Variants in MAST2 observed in about 807,000 individuals in gnomAD.
MAST2 encodes microtubule-associated serine/threonine-protein kinase 2.
MAST2 carries 70 observed loss-of-function variants against 147.4 expected under a neutral mutation model. The ratio of observed to expected loss-of-function variants is 0.47; its 90% CI spans 0.39 to 0.58. MAST2 has a LOEUF of 0.58. Among genes scored for constraint, MAST2 ranks in the 20% least tolerant of loss-of-function variants. The pLI, the probability that MAST2 is intolerant of heterozygous loss-of-function variation, is 0.00. For missense variants in MAST2, 2,080 were observed against 2,302.3 expected (o/e 0.90, Z 1.98); for synonymous variants, 869 against 896.8 (o/e 0.97, Z 0.55).
intron 4 of MAST2, among the ~76,000 whole-genome samples, chr1:45,931,377 GTTTT>G (rs71587091): frequency 2.0e-5 from 2 of 101,224 alleles, no homozygotes; most frequent in Non-Finnish European, 3.7e-5. Context: ...ATTGTGTTCT[GTTTT>G]TTTTTTTTTT....
At chr1:45,921,020 G>T (rs1339819711) in intron 4 of MAST2, among the ~76,000 whole-genome samples, 6 of 152,136 alleles carry the variant, frequency 3.9e-5, no homozygotes, top group Admixed American at 3.9e-4. Flanking sequence ...GTTTGAGACG[G>T]AGTCTCACTC....
chr1:45,945,218 T>G (rs1657855928), intron 4 of MAST2, among the ~76,000 whole-genome samples: 1 of 152,208 alleles, frequency 6.6e-6, no homozygotes, highest in Non-Finnish European at 1.5e-5. Context: ...GGAGGATCAC[T>G]TAATCCTGGG....
intron 4 of MAST2, among the ~76,000 whole-genome samples, chr1:45,938,618 C>T (rs965036713): frequency 1.1e-4 from 16 of 152,184 alleles, no homozygotes; most frequent in African/African-American, 3.4e-4. Context: ...TCAGCCACTG[C>T]GCCCAAACTA....
intron 11 of MAST2, among the ~76,000 whole-genome samples, chr1:46,020,989 G>A (rs541320953): frequency 6.6e-6 from 1 of 152,280 alleles, no homozygotes; most frequent in African/African-American, 2.4e-5. Flanking sequence ...GGACATCAGG[G>A]GAGAGGTACT....
chr1:45,854,228 T>G (rs1645716306), intron 3 of MAST2, among the ~76,000 whole-genome samples: 1 of 151,740 alleles, frequency 6.6e-6, no homozygotes. Context: ...TCTCATCTAC[T>G]CGGGAGGCTG....
intron 4 of MAST2, among the ~76,000 whole-genome samples, chr1:45,887,821 T>G (rs1197614854): frequency 6.6e-6 from 1 of 151,970 alleles, no homozygotes; most frequent in Admixed American, 6.6e-5. Flanking sequence ...AAGCCCAGAG[T>G]GATAGCTTTG....
intron 1 of MAST2, among the ~76,000 whole-genome samples, chr1:45,812,714 T>C (rs561720517): frequency 1.5e-4 from 23 of 152,336 alleles, no homozygotes; most frequent in African/African-American, 5.5e-4. Flanking sequence ...CATCGGCCAC[T>C]GTGCCTGGCC....
At chr1:46,024,283 C>T in intron 15 of MAST2, 1 of 366,556 alleles carries the variant, frequency 2.7e-6, no homozygotes, top group Non-Finnish European at 5.2e-6. Context: ...GAGGAGGCAG[C>T]AGAGCTACAA....
rs536977030 is a variant in MAST2 at position 46,023,159 on chromosome 1, T to G, written c.1486-74T>G. The G allele has an allele frequency of 9.3e-6, 13 of 1,398,548 alleles. No individual in the cohort carries two copies. In the African/African-American group the frequency reaches 1.8e-4, roughly 20 times the overall value. 86.6% of individuals were successfully genotyped at this position (1,398,548 alleles called of 1,614,324 possible). ...CTAGAGCTGACAGCTGAGAAGATGC[T>G]AGAGCCACAGCTTCTGCAAGGATAT... On this transcript the variant is annotated intron_variant, in intron 13 of 28. Coordinates refer to ENST00000361297, the MANE Select transcript of MAST2 (RefSeq NM_015112.3). This position sits in a 1 kb window ranked among gnomAD's most constrained non-coding sequence, Gnocchi z 4.9.
At chr1:45,930,234 C>T (rs1035881597) in intron 4 of MAST2, among the ~76,000 whole-genome samples, 8 of 152,064 alleles carry the variant, frequency 5.3e-5, no homozygotes, top group South Asian at 2.1e-4. Context: ...CCCACCACCA[C>T]GCCTGGCTAA....
chr1:45,816,540 C>G (rs577157604), intron 1 of MAST2, among the ~76,000 whole-genome samples: 1 of 152,206 alleles, frequency 6.6e-6, no homozygotes, highest in African/African-American at 2.4e-5. Flanking sequence ...TCAGAATCCC[C>G]TAAGGTAACT....
chr1:45,825,815 G>T (rs1446640987), intron 2 of MAST2, among the ~76,000 whole-genome samples: 1 of 151,574 alleles, frequency 6.6e-6, no homozygotes, highest in African/African-American at 2.4e-5. Flanking sequence ...GGTGGCTCAC[G>T]CCCGTAATCA....
At chr1:45,992,992 T>A (rs1644908725) in intron 5 of MAST2, among the ~76,000 whole-genome samples, 1 of 152,112 alleles carries the variant, frequency 6.6e-6, no homozygotes, top group African/African-American at 2.4e-5. Context: ...ATCCCTCATA[T>A]CAATCTTCAA....
At chr1:45,873,817 T>C (rs1646494101) in intron 3 of MAST2, among the ~76,000 whole-genome samples, 1 of 152,014 alleles carries the variant, frequency 6.6e-6, no homozygotes, top group Non-Finnish European at 1.5e-5. Context: ...TTTTTGTTTG[T>C]TTGTTTTTGT....
At chr1:45,872,681 A>T (rs920414757) in intron 3 of MAST2, among the ~76,000 whole-genome samples, 2 of 152,070 alleles carry the variant, frequency 1.3e-5, no homozygotes, top group Non-Finnish European at 1.5e-5. Flanking sequence ...GGGTTTCTCC[A>T]TGTTGGTCAG....
intron 5 of MAST2, among the ~76,000 whole-genome samples, chr1:45,978,371 C>T (rs1196119378): frequency 6.6e-6 from 1 of 152,110 alleles, no homozygotes; most frequent in East Asian, 1.9e-4. Flanking sequence ...AAAAAATTAG[C>T]TGGGCATGGT....
chr1:45,954,014 G>A (rs1659310294), intron 4 of MAST2, among the ~76,000 whole-genome samples: 2 of 152,138 alleles, frequency 1.3e-5, no homozygotes, highest in Admixed American at 6.5e-5. Flanking sequence ...GTGCTTGACT[G>A]TAACCAGCTC....
intron 3 of MAST2, among the ~76,000 whole-genome samples, chr1:45,868,484 T>C (rs1228066962): frequency 1.3e-5 from 2 of 152,228 alleles, no homozygotes; most frequent in Non-Finnish European, 2.9e-5. Flanking sequence ...GATAAAATTA[T>C]TGCCTTCAGG....
chr1:45,883,912 G>GCCTCCCCCCCGCCCCCCCCCCCCCCCC (rs59944185), intron 4 of MAST2, among the ~76,000 whole-genome samples: 1 of 2,488 alleles, frequency 4.0e-4, no homozygotes, highest in Non-Finnish European at 1.0e-3. Flanking sequence ...TACTATTTCT[G>GCCTCCCCCCCGCCCCCCCCCCCCCCCC]CCCCCCCCGC....
Sources: gnomAD v4.1 joint callset for allele counts (sites outside exome capture counted in the v4.1 genomes callset) on GRCh38, gnomAD v4.1.1 for gene constraint, Gnocchi (gnomAD v3.1) non-coding constraint, MANE v1.5 for transcripts, NCBI Gene and HGNC (gene_info 2026-07-23, HGNC 2026-07-21) for gene names.